MED25: variants seen among roughly 807,000 people sequenced by gnomAD.
MED25 encodes mediator of RNA polymerase II transcription subunit 25.
Under a neutral mutation model 89.4 loss-of-function variants are expected in MED25, and 62 were observed. That is an observed-to-expected ratio of 0.69 (90% CI 0.57 to 0.86). The LOEUF (loss-of-function observed/expected upper bound fraction) is 0.86, where lower values mean the gene tolerates loss of function less well. Among genes scored for constraint, MED25 ranks in the 40% least tolerant of loss-of-function variants. MED25 has a pLI of 0.00. For synonymous variants in MED25, 449 were observed against 427.9 expected (o/e 1.05, Z -0.61); for missense variants, 905 against 1,005.2 (o/e 0.90, Z 1.35).
Position 49,829,987 on chromosome 19 carries a change from C to T in MED25, c.688+39C>T, listed in dbSNP as rs745550427. The stretch of plus-strand genomic sequence containing the variant: ...ACCGTGCGCGGGGATGGGGGCTCGA[C>T]GTGTTTCCCCAGCTCCCTCTGACTT... On this transcript the variant is annotated intron_variant, in intron 6 of 17. Coordinates refer to ENST00000312865, the MANE Select transcript of MED25 (RefSeq NM_030973.4). The surrounding 1 kb of genome is among the most constrained non-coding windows in gnomAD (Gnocchi z 4.6). 17 of 1,600,028 alleles carry T rather than the reference C, an allele frequency of 1.1e-5. No individual in the cohort carries two copies. The highest frequency in any genetic ancestry group is 5.5e-5 in the South Asian group (5 of 90,632).
Position 49,818,375 on chromosome 19 carries a change from G to A in MED25, c.34G>A (p.Gly12Arg), listed in dbSNP as rs753920074. ...VPGSEGPARA[G>R]SVVADVVFVI... is the part of the protein sequence containing the mutation. ...CGGGTCCGAGGGCCCGGCCCGCGCC[G>A]GGAGCGTGGTGGCCGACGTGGTGTT... is the stretch of plus-strand genomic sequence containing the variant. The change falls in exon 1 of 18, where the codon GGG becomes AGG. Residue 12 changes from glycine to arginine, a missense_variant. Transcript: ENST00000312865. 5.6e-6 allele frequency: 9 copies of A among 1,610,800 alleles called. No individual in the cohort carries two copies. The highest frequency in any genetic ancestry group is 1.7e-5 in the Admixed American group (1 of 59,502).
In MED25 at chr19:49,818,358, A is replaced by T; in HGVS notation, c.17A>T (p.Glu6Val). 6.2e-7 allele frequency: 1 copy of T among 1,603,034 alleles called. No homozygotes were observed. Among genetic ancestry groups the T allele is most frequent in the Admixed American group, 1.7e-5 (1 of 58,130 alleles). Reference protein sequence around the residue: MVPGSEGPARAGSVVA... With the variant: MVPGSVGPARAGSVVA... ...GCACGGGGTATGGTCCCCGGGTCCG[A>T]GGGCCCGGCCCGCGCCGGGAGCGTG... The change falls in exon 1 of 18, where the codon GAG becomes GTG. Residue 6 changes from glutamate to valine, a missense_variant. By Grantham distance (121) the Glu-to-Val change is moderately radical (BLOSUM62 -2). Transcript: ENST00000312865.
Position 49,830,599 on chromosome 19 carries a change from G to A in MED25, c.907+1G>A. 6.2e-7 allele frequency: 1 copy of A among 1,614,152 alleles called. No homozygotes were observed. Among genetic ancestry groups the A allele is most frequent in the Non-Finnish European group, 8.5e-7 (1 of 1,179,980 alleles). On this transcript the variant is annotated splice_donor_variant, in intron 8 of 17. Transcript: ENST00000312865. LOFTEE classifies it high-confidence loss of function. This position sits in a 1 kb window ranked among gnomAD's most constrained non-coding sequence, Gnocchi z 4.6. ...CAGAAGGCTGGGCTGGGCCCTCGCT[G>A]TGAGTCCTGGAGTGAGGATGAAGGG...
At position 49,828,432 on chromosome 19, in the gene MED25, C is replaced by T; in HGVS notation, c.306-17C>T. On this transcript the variant is annotated splice_polypyrimidine_tract_variant and intron_variant, in intron 3 of 17. Transcript: ENST00000312865. Reference sequence around the variant, plus strand: ...GGATGATGGCAACCCTGGGGGCTGACCGCTCTGCCCCTGCAGGTTCATGGG... The same window carrying T: ...GGATGATGGCAACCCTGGGGGCTGATCGCTCTGCCCCTGCAGGTTCATGGG... 1 of 1,594,554 alleles carries T rather than the reference C, an allele frequency of 6.3e-7. No individual in the cohort carries two copies. Among genetic ancestry groups the T allele is most frequent in the Non-Finnish European group, 8.6e-7 (1 of 1,162,432 alleles).
intron 3 of MED25, among the ~76,000 whole-genome samples, chr19:49,825,154 A>C (rs1256853183): frequency 6.6e-6 from 1 of 152,174 alleles, no homozygotes; most frequent in Non-Finnish European, 1.5e-5. Context: ...TTGAGCTTGT[A>C]GCACATGACT....
Position 49,835,278 on chromosome 19 carries a change from C to T in MED25, c.1674+101C>T, listed in dbSNP as rs1287365921. ...AGGACCAAGATGCCCACCCTTCTCC[C>T]AATATGTGGTGCCTCCAAGCTAAGT... is the stretch of plus-strand genomic sequence containing the variant. On this transcript the variant is annotated intron_variant, in intron 14 of 17. Coordinates refer to ENST00000312865, the MANE Select transcript of MED25 (RefSeq NM_030973.4). This position sits in a 1 kb window ranked among gnomAD's most constrained non-coding sequence, Gnocchi z 6.2. The T allele has an allele frequency of 1.0e-5, 13 of 1,300,832 alleles. No individual in the cohort carries two copies. In the Admixed American group the frequency reaches 2.0e-4, roughly 20 times the overall value. The allele number at this position is 1,300,832 out of a possible 1,614,324, so 80.6% of individuals were successfully genotyped here.
chr19:49,818,700 C>A, intron 2 of MED25, 84 bp downstream of exon 2: 2 of 1,294,450 alleles, frequency 1.5e-6, no homozygotes, highest in Non-Finnish European at 2.2e-6. Flanking sequence ...AAGGGCTGGG[C>A]CTGGACTCCT....
At chr19:49,826,287 G>A (rs964648006) in intron 3 of MED25, among the ~76,000 whole-genome samples, 2 of 152,198 alleles carry the variant, frequency 1.3e-5, no homozygotes, top group African/African-American at 4.8e-5. Context: ...CTTGCAGTGA[G>A]CGGAGATGTG....
chr19:49,828,672 G>T, intron 4 of MED25, 125 bp downstream of exon 4: 1 of 948,826 alleles, frequency 1.1e-6, no homozygotes, highest in Non-Finnish European at 1.7e-6. Flanking sequence ...CCCCAAGCAC[G>T]CTGAGCCAGG....
Position 49,818,337 on chromosome 19 carries a change from G to T in MED25, c.-5G>T, listed in dbSNP as rs1423184002. On this transcript the variant is annotated 5_prime_UTR_variant, in exon 1 of 18. Transcript: ENST00000312865. ...GCAGTGGTGGTGGCGGGTACCGCAC[G>T]GGGTATGGTCCCCGGGTCCGAGGGC... 2 of 1,578,674 alleles carry T rather than the reference G, an allele frequency of 1.3e-6. No homozygotes were observed. The highest frequency in any genetic ancestry group is 2.7e-5 in the African/African-American group (2 of 74,040).
chr19:49,821,688 A>G (rs1051221432), intron 3 of MED25, among the ~76,000 whole-genome samples: 1 of 152,042 alleles, frequency 6.6e-6, no homozygotes, highest in African/African-American at 2.4e-5. Context: ...ATGGTGGCGC[A>G]TGCCTGTAAT....
downstream of MED25, chr19:49,838,335 T>C: frequency 2.9e-6 from 1 of 349,398 alleles, no homozygotes; most frequent in Non-Finnish European, 5.7e-6. Flanking sequence ...AGTCTTGGCT[T>C]CTTTTGACAA....
In MED25 at chr19:49,828,554, GC is replaced by G. The variant is rs769359694; in HGVS notation, c.404+12del. 1.2e-6 allele frequency: 2 copies of G among 1,608,790 alleles called. No individual in the cohort carries two copies. Among genetic ancestry groups the G allele is most frequent in the South Asian group, 1.1e-5 (1 of 90,980 alleles). Reference sequence around the variant, plus strand: ...AGAAGATGCGCGAGCAGATGTGAGTGCCCCCTCCACCCAGGCCGGGCCGGTC... The same window carrying G: ...AGAAGATGCGCGAGCAGATGTGAGTGCCCCTCCACCCAGGCCGGGCCGGTC... On this transcript the variant is annotated splice_region_variant and intron_variant, in intron 4 of 17. Coordinates refer to ENST00000312865, the MANE Select transcript of MED25 (RefSeq NM_030973.4).
Position 49,834,988 on chromosome 19 carries a change from G to A in MED25, c.1485G>A (p.Ala495=), listed in dbSNP as rs763266774. 9 of 1,613,808 alleles carry A rather than the reference G, an allele frequency of 5.6e-6. No individual in the cohort carries two copies. Among genetic ancestry groups the A allele is most frequent in the South Asian group, 5.5e-5 (5 of 91,078 alleles). Residue 495 remains alanine (A), a splice_region_variant and synonymous_variant, in exon 14 of 18, where the codon GCG becomes GCA. Coordinates refer to ENST00000312865, the MANE Select transcript of MED25 (RefSeq NM_030973.4). The surrounding 1 kb of genome is among the most constrained non-coding windows in gnomAD (Gnocchi z 4.1). The stretch of plus-strand genomic sequence containing the variant: ...CTGAAGAGCTGTTGTCCACCCAGGC[G>A]GGCTGCGTGCACTTCCCCCACACGG... ...GLYRIMGNGF[A]GCVHFPHTAP...
In MED25 at chr19:49,831,558, G is replaced by A. The variant is rs1467592860; in HGVS notation, c.1230+97G>A. ...GGGCCAGATGCGTGGGGTCTGCAGT[G>A]CTGGGTTTGGAGGCATTCGTTGCGC... On this transcript the variant is annotated intron_variant, in intron 10 of 17. Transcript: ENST00000312865. This position sits in a 1 kb window ranked among gnomAD's most constrained non-coding sequence, Gnocchi z 5.0. 6.9e-7 allele frequency: 1 copy of A among 1,456,768 alleles called. No individual in the cohort carries two copies. The highest frequency in any genetic ancestry group is 2.2e-5 in the Admixed American group (1 of 45,800). The allele number at this position is 1,456,768 out of a possible 1,614,324, so 90.2% of individuals were successfully genotyped here.
chr19:49,828,643 TA>T, intron 4 of MED25, 96 bp downstream of exon 4: 1 of 1,076,964 alleles, frequency 9.3e-7, no homozygotes, highest in South Asian at 1.3e-5. Flanking sequence ...CCTCACCCTG[TA>T]GGGCATGGGC....
In MED25 at chr19:49,834,387, G is replaced by A. The variant is rs749480426; in HGVS notation, c.1483-599G>A. The A allele has an allele frequency of 3.1e-4, 50 of 162,030 alleles. No homozygotes were observed. The highest frequency in any genetic ancestry group is 6.3e-4 in the Non-Finnish European group (46 of 72,814). 10.0% of individuals were successfully genotyped at this position (162,030 alleles called of 1,614,324 possible). A position where few individuals can be genotyped will look rare whatever the true frequency, so the allele number is the denominator to read the frequency against. ...AGCCTCGCCTCCCTCAGGAGCCCCTGCCCTGAATGCTCCATGTGTTACCCC... is the reference window on the plus strand; with the variant it reads ...AGCCTCGCCTCCCTCAGGAGCCCCTACCCTGAATGCTCCATGTGTTACCCC... On this transcript the variant is annotated intron_variant, in intron 13 of 17. Transcript: ENST00000312865. The surrounding 1 kb of genome is among the most constrained non-coding windows in gnomAD (Gnocchi z 4.1).
rs771642768 is a variant in MED25 at position 49,836,290 on chromosome 19, CGCT to C, written c.2036_2038del (p.Leu679del). The C allele has an allele frequency of 6.2e-7, 1 of 1,612,006 alleles. No homozygotes were observed. Among genetic ancestry groups the C allele is most frequent in the South Asian group, 1.1e-5 (1 of 90,984 alleles). On this transcript the variant is annotated inframe_deletion, in exon 17 of 18. Transcript: ENST00000312865. This position sits in a 1 kb window ranked among gnomAD's most constrained non-coding sequence, Gnocchi z 5.1. ...CACCTCCAGCCACCAGGGGCTCCTGCGCTGCTGCCTCCGCCGCACCAGGGCCTG... is the reference window on the plus strand; with the variant it reads ...CACCTCCAGCCACCAGGGGCTCCTGCGCTGCCTCCGCCGCACCAGGGCCTG...
Position 49,830,341 on chromosome 19 carries a change from G to C in MED25, c.819+123G>C. 1 of 1,203,242 alleles carries C rather than the reference G, an allele frequency of 8.3e-7. No individual in the cohort carries two copies. The highest frequency in any genetic ancestry group is 1.3e-5 in the South Asian group (1 of 78,804). 74.5% of individuals were successfully genotyped at this position (1,203,242 alleles called of 1,614,324 possible). On this transcript the variant is annotated intron_variant, in intron 7 of 17. Transcript: ENST00000312865. This position sits in a 1 kb window ranked among gnomAD's most constrained non-coding sequence, Gnocchi z 4.6. ...TGGGAGTCCCATGGGACATTGGGAA[G>C]GTGGGACTCTTGGGGCCATGGAAGC... is the stretch of plus-strand genomic sequence containing the variant.
Sources: gnomAD v4.1 joint callset for allele counts (sites outside exome capture counted in the v4.1 genomes callset) on GRCh38, gnomAD v4.1.1 for gene constraint, Gnocchi (gnomAD v3.1) non-coding constraint, MANE v1.5 for transcripts, NCBI Gene and HGNC (gene_info 2026-07-23, HGNC 2026-07-21) for gene names.